ADAMTS6: variants seen among roughly 807,000 people sequenced by gnomAD.
The protein encoded by ADAMTS6 is ADAM metallopeptidase with thrombospondin type 1 motif 6.
In ADAMTS6, 23 loss-of-function variants were observed where a neutral mutation model predicts 144.3. That is an observed-to-expected ratio of 0.16 (90% CI 0.11 to 0.23). The LOEUF (loss-of-function observed/expected upper bound fraction) is 0.23. ADAMTS6 is among the 10% of genes least tolerant of loss of function. ADAMTS6 has a pLI of 1.00. For synonymous variants in ADAMTS6, 444 were observed against 457.5 expected (o/e 0.97, Z 0.38); for missense variants, 999 against 1,379.6 (o/e 0.72, Z 4.37).
intron 7 of ADAMTS6, among the ~76,000 whole-genome samples, chr5:65,371,463 A>T (rs1323889748): frequency 6.6e-6 from 1 of 152,166 alleles, no homozygotes; most frequent in Non-Finnish European, 1.5e-5. Flanking sequence ...CTCGAGAACT[A>T]CGTGAAGAAT....
intron 7 of ADAMTS6, among the ~76,000 whole-genome samples, chr5:65,334,315 A>G (rs747625204): frequency 6.6e-6 from 1 of 152,184 alleles, no homozygotes; most frequent in Non-Finnish European, 1.5e-5. Flanking sequence ...AGTAAGAAAG[A>G]AAGGTTAAAG....
chr5:65,397,072 T>G (rs1383416210), intron 7 of ADAMTS6, among the ~76,000 whole-genome samples: 1 of 152,208 alleles, frequency 6.6e-6, no homozygotes, highest in Admixed American at 6.5e-5. Flanking sequence ...TAGCAGACTG[T>G]GTCTTTCAAG....
chr5:65,448,222 C>A (rs182024726), intron 7 of ADAMTS6, among the ~76,000 whole-genome samples: 465 of 152,036 alleles, frequency 3.1e-3, no homozygotes, highest in African/African-American at 0.011. Flanking sequence ...CCTTTATTTT[C>A]TTCCTGTCTA....
intron 23 of ADAMTS6, 55 bp from the exon 24 acceptor site, chr5:65,170,828 T>TA (rs1309510512): frequency 2.8e-5 from 43 of 1,550,332 alleles, no homozygotes; most frequent in Non-Finnish European, 3.8e-5. Context: ...TTTCAGGAGG[T>TA]AAAAAATATA....
At position 65,215,393 on chromosome 5, in the gene ADAMTS6, G is replaced by A. The variant is rs375300199; in HGVS notation, c.2367C>T (p.Tyr789=). 4.3e-6 allele frequency: 7 copies of A among 1,614,064 alleles called. No homozygotes were observed. The highest frequency in any genetic ancestry group is 5.1e-6 in the Non-Finnish European group (6 of 1,179,960). ...ATTCTGGTTCATCAGTTGGTCTCTT[G>A]TAATGAAAAGCTGTCCCAGCAACAT... The part of the protein sequence containing the change: ...KFDVAGTAFH[Y]KRPTDEPESL... Residue 789 remains tyrosine, a synonymous_variant, in exon 19 of 25, where the codon TAC becomes TAT. Coordinates refer to ENST00000381055, the MANE Select transcript of ADAMTS6 (RefSeq NM_197941.4).
At chr5:65,341,628 A>C (rs1747834673) in intron 7 of ADAMTS6, among the ~76,000 whole-genome samples, 1 of 152,052 alleles carries the variant, frequency 6.6e-6, no homozygotes, top group African/African-American at 2.4e-5. Context: ...GACACATGCA[A>C]CTTACTAAGG....
At chr5:65,354,571 C>G (rs959222513) in intron 7 of ADAMTS6, among the ~76,000 whole-genome samples, 1 of 151,566 alleles carries the variant, frequency 6.6e-6, no homozygotes, top group Admixed American at 6.6e-5. Context: ...CTAATTCAGT[C>G]GTTAATAAAA....
At position 65,179,812 on chromosome 5, in the gene ADAMTS6, G is replaced by A. The variant is rs558308614; in HGVS notation, c.2911-6804C>T. On this transcript the variant is annotated intron_variant, in intron 22 of 24. Coordinates refer to ENST00000381055, the MANE Select transcript of ADAMTS6 (RefSeq NM_197941.4). ...GTGGATGTAGAACACATAAATTATC[G>A]TGTCCCTAACACCATCAGCCTGTTT... Among the ~76,000 whole-genome samples, 9 of 152,188 alleles carry A rather than the reference G, an allele frequency of 5.9e-5. No homozygotes were observed. The South Asian group carries it at 6.2e-4, about 11-fold the overall frequency.
At chr5:65,452,052 A>G (rs1758783523) in intron 6 of ADAMTS6, 81 bp downstream of exon 6, 3 of 1,070,822 alleles carry the variant, frequency 2.8e-6, no homozygotes, top group Non-Finnish European at 3.9e-6. Flanking sequence ...ATAATAAAAC[A>G]TATTATTTAA....
intron 7 of ADAMTS6, among the ~76,000 whole-genome samples, chr5:65,346,979 T>C (rs1425431480): frequency 6.6e-6 from 1 of 150,726 alleles, no homozygotes; most frequent in Non-Finnish European, 1.5e-5. Flanking sequence ...TAGGAATACA[T>C]TTAGCCAAAA....
At chr5:65,472,528 G>A (rs570993860) in intron 2 of ADAMTS6, among the ~76,000 whole-genome samples, 1 of 152,162 alleles carries the variant, frequency 6.6e-6, no homozygotes, top group African/African-American at 2.4e-5. Flanking sequence ...TTTAAAAACA[G>A]CTTGACTAAA....
At position 65,284,589 on chromosome 5, in the gene ADAMTS6, A is replaced by G. The variant is rs1050570681; in HGVS notation, c.1512+6740T>C. ...TACTCTCTTGATCTTCATTTCTAAT[A>G]TTAAATCCTAAAAGTCTCTTATCAC... On this transcript the variant is annotated intron_variant, in intron 11 of 24. Transcript: ENST00000381055. Among the ~76,000 whole-genome samples, 6 of 152,106 alleles carry G rather than the reference A, an allele frequency of 3.9e-5. No individual in the cohort carries two copies. In the East Asian group the frequency reaches 9.6e-4, roughly 24 times the overall value.
At position 65,215,418 on chromosome 5, in the gene ADAMTS6, T is replaced by G; in HGVS notation, c.2342A>C (p.Asp781Ala). 1 of 1,614,066 alleles carries G rather than the reference T, an allele frequency of 6.2e-7. No individual in the cohort carries two copies. ...AWTIDWPRKF[D>A]VAGTAFHYKR... is the part of the protein sequence containing the mutation. ...GTAATGAAAAGCTGTCCCAGCAACA[T>G]CAAATTTCCTAGGCCAGTCAATAGT... is the stretch of plus-strand genomic sequence containing the variant. Residue 781 changes from aspartate to alanine, a missense_variant, in exon 19 of 25, where the codon GAT becomes GCT. Around this residue, in one of 3 missense-constraint regions of ADAMTS6, gnomAD observed 619 missense variants for 837.0 expected, o/e 0.74. Transcript: ENST00000381055.
intron 1 of ADAMTS6, 105 bp from the exon 2 acceptor site, chr5:65,474,057 ATAGT>A (rs1227907314): frequency 5.3e-6 from 2 of 375,756 alleles, no homozygotes; most frequent in South Asian, 1.4e-4. Context: ...ACAAAATAAT[ATAGT>A]TAAATTAGAC....
In ADAMTS6 at chr5:65,467,163, A is replaced by C. The variant is rs150101784; in HGVS notation, c.462+3615T>G. Among the ~76,000 whole-genome samples the C allele has an allele frequency of 3.2e-3, 485 of 152,214 alleles. 5 individuals carry two copies. Among genetic ancestry groups the C allele is most frequent in the African/African-American group, 0.011 (468 of 41,554 alleles). ...AGGAAAAGAAGACGAAATCGGGGAA[A>C]TCTCATAGAAATTAGAACAAAAAAG... On this transcript the variant is annotated intron_variant, in intron 3 of 24. Transcript: ENST00000381055.
intron 7 of ADAMTS6, among the ~76,000 whole-genome samples, chr5:65,378,037 C>A (rs1318909368): frequency 6.6e-6 from 1 of 152,078 alleles, no homozygotes; most frequent in Non-Finnish European, 1.5e-5. Context: ...CTTATAAGGA[C>A]ACTAGCCACA....
At chr5:65,350,637 G>T (rs1028481799) in intron 7 of ADAMTS6, among the ~76,000 whole-genome samples, 2 of 151,990 alleles carry the variant, frequency 1.3e-5, no homozygotes, top group Non-Finnish European at 2.9e-5. Flanking sequence ...TACTATTAAG[G>T]GAGTTTCTAA....
chr5:65,213,289 A>G (rs1186974612), intron 20 of ADAMTS6, among the ~76,000 whole-genome samples: 1 of 152,036 alleles, frequency 6.6e-6, no homozygotes. Flanking sequence ...TGTTGTATAG[A>G]CTTTATATTG....
At chr5:65,466,081 C>T (rs577281175) in intron 3 of ADAMTS6, among the ~76,000 whole-genome samples, 1 of 152,314 alleles carries the variant, frequency 6.6e-6, no homozygotes, top group East Asian at 1.9e-4. Flanking sequence ...CCCCTACCTA[C>T]TCCTCGAACA....
Sources: gnomAD v4.1 joint callset for allele counts (sites outside exome capture counted in the v4.1 genomes callset) on GRCh38, gnomAD v4.1.1 for gene constraint, gnomAD v4.1.1 regional missense constraint, MANE v1.5 for transcripts, NCBI Gene and HGNC (gene_info 2026-07-23, HGNC 2026-07-21) for gene names.